The following POU6F2 variants were observed in gnomAD, a reference collection of about 807,000 sequenced individuals.
POU6F2 encodes the protein POU domain, class 6, transcription factor 2.
In POU6F2, 31 loss-of-function variants were observed where a neutral mutation model predicts 71.3. That is an observed-to-expected ratio of 0.43 (90% CI 0.33 to 0.59). POU6F2 has a LOEUF of 0.59. Among genes scored for constraint, POU6F2 ranks in the 20% least tolerant of loss-of-function variants. The probability of loss-of-function intolerance (pLI) is 0.04; values close to 1 mark genes in which losing one functional copy is unlikely to be tolerated. For missense variants in POU6F2, 783 were observed against 856.8 expected, an observed-to-expected ratio of 0.91 and a Z score of 1.07; for synonymous variants, 347 against 355.7, an observed-to-expected ratio of 0.98 and a Z score of 0.27.
rs183413976 is a variant in POU6F2, at chr7:39,435,507, C to T, written c.1320+2224C>T. 5.6e-3 allele frequency among the ~76,000 whole-genome samples: 853 copies of T among 152,040 alleles called. 4 individuals carry two copies. Among genetic ancestry groups the T allele is most frequent in the Non-Finnish European group, 9.5e-3 (643 of 67,996 alleles). Reference sequence around the variant, plus strand: ...TTTTTCTTGTAAATTTGTTTAAGTTCCTGGTAAATTCTGGATATTAGACCT... The same window carrying T: ...TTTTTCTTGTAAATTTGTTTAAGTTTCTGGTAAATTCTGGATATTAGACCT... On this transcript the variant is annotated intron_variant, in intron 7 of 9. Coordinates refer to ENST00000518318, the MANE Select transcript of POU6F2 (RefSeq NM_001370959.1).
At chr7:39,262,419 T>G (rs2128754795) in intron 4 of POU6F2, among the ~76,000 whole-genome samples, 1 of 152,334 alleles carries the variant, frequency 6.6e-6, no homozygotes, top group East Asian at 1.9e-4. Context: ...ATATCCATTT[T>G]CTTTTTCTCA....
chr7:39,244,441 T>C (rs1783785874), intron 4 of POU6F2, among the ~76,000 whole-genome samples: 1 of 152,184 alleles, frequency 6.6e-6, no homozygotes, highest in Non-Finnish European at 1.5e-5. Context: ...GAATTTCCTC[T>C]TCTATAAAGC....
At position 39,015,938 on chromosome 7, in the gene POU6F2, A is replaced by ATTG. The variant is rs1789510218; in HGVS notation, c.105+37881_105+37882insTGT. 5.1e-5 allele frequency among the ~76,000 whole-genome samples: 5 copies of ATTG among 98,938 alleles called. 1 individual carries two copies. The highest frequency in any genetic ancestry group is 1.3e-4 in the African/African-American group (3 of 23,458). 64.9% of individuals were successfully genotyped at this position (98,938 alleles called of 152,430 possible). On this transcript the variant is annotated intron_variant, in intron 1 of 9. Coordinates refer to ENST00000518318, the MANE Select transcript of POU6F2 (RefSeq NM_001370959.1). ...TATTATATATAGATATATATAATAT[A>ATTG]TAGATATATATTATATATTGTATAT...
chr7:39,026,778 A>T (rs1445598103), intron 1 of POU6F2, among the ~76,000 whole-genome samples: 3 of 152,224 alleles, frequency 2.0e-5, no homozygotes, highest in African/African-American at 7.2e-5. Context: ...TTGCATTATC[A>T]CTTAAATTAC....
chr7:38,996,683 T>A (rs1046724018), intron 1 of POU6F2, among the ~76,000 whole-genome samples: 2 of 152,214 alleles, frequency 1.3e-5, no homozygotes, highest in African/African-American at 4.8e-5. Context: ...CTTTTTACTT[T>A]TACTGTGTGC....
chr7:39,013,911 T>C (rs1789401266), intron 1 of POU6F2, among the ~76,000 whole-genome samples: 1 of 152,192 alleles, frequency 6.6e-6, no homozygotes, highest in Non-Finnish European at 1.5e-5. Context: ...GCCCTATTCG[T>C]AAAGAATTTA....
chr7:39,323,621 C>G (rs1370059204), intron 4 of POU6F2, among the ~76,000 whole-genome samples: 1 of 152,094 alleles, frequency 6.6e-6, no homozygotes, highest in East Asian at 1.9e-4. Flanking sequence ...GGGCTGAGCA[C>G]TATGGTTTAA....
Position 39,231,571 on chromosome 7 carries a change from T to C in POU6F2, c.598+23951T>C, listed in dbSNP as rs576167723. Among the ~76,000 whole-genome samples the C allele has an allele frequency of 9.8e-5, 15 of 152,310 alleles. No individual in the cohort carries two copies. In the South Asian group the frequency reaches 1.2e-3, roughly 13 times the overall value. On this transcript the variant is annotated intron_variant, in intron 4 of 9. Coordinates refer to ENST00000518318, the MANE Select transcript of POU6F2 (RefSeq NM_001370959.1). Reference sequence around the variant, plus strand: ...TCATTTCCTTTTCCTGATTGACACATAGACCCTATTTTCCATCCTTTCTTA... The same window carrying C: ...TCATTTCCTTTTCCTGATTGACACACAGACCCTATTTTCCATCCTTTCTTA...
intron 1 of POU6F2, among the ~76,000 whole-genome samples, chr7:39,015,692 ATATAT>A (rs1562670384): frequency 1.9e-4 from 19 of 100,456 alleles, no homozygotes; most frequent in African/African-American, 7.6e-4. Flanking sequence ...TTATATATCT[ATATAT>A]TATATATATC....
Position 39,339,821 on chromosome 7 carries a change from G to T in POU6F2, c.778G>T (p.Ala260Ser). The change falls in exon 5 of 10, where the codon GCC becomes TCC. Residue 260 changes from alanine (A) to serine (S), a missense_variant. Coordinates refer to ENST00000518318, the MANE Select transcript of POU6F2 (RefSeq NM_001370959.1). Reference protein sequence around the residue: ...QPTPPQQPPPASQQPPAPTSQ... With the variant: ...QPTPPQQPPPSSQQPPAPTSQ... ...CACCCCACCCCAGCAGCCACCACCC[G>T]CCTCTCAGCAGCCGCCAGCTCCTAC... 1 of 1,493,470 alleles carries T rather than the reference G, an allele frequency of 6.7e-7. No individual in the cohort carries two copies. The highest frequency in any genetic ancestry group is 9.0e-7 in the Non-Finnish European group (1 of 1,111,760). The allele number at this position is 1,493,470 out of a possible 1,614,324, so 92.5% of individuals were successfully genotyped here.
chr7:39,028,717 A>G (rs1181489969), intron 1 of POU6F2, among the ~76,000 whole-genome samples: 2 of 152,202 alleles, frequency 1.3e-5, no homozygotes, highest in Admixed American at 1.3e-4. Context: ...TCTTTCCAAA[A>G]TAGTTTATAC....
chr7:39,350,160 G>C (rs966343850), intron 5 of POU6F2, among the ~76,000 whole-genome samples: 4 of 152,126 alleles, frequency 2.6e-5, no homozygotes, highest in Non-Finnish European at 5.9e-5. Context: ...TCTACACCAG[G>C]AGATATTTAA....
Position 39,370,829 on chromosome 7 carries a change from C to T in POU6F2, c.972+30814C>T, listed in dbSNP as rs146199510. On this transcript the variant is annotated intron_variant, in intron 5 of 9. Coordinates refer to ENST00000518318, the MANE Select transcript of POU6F2 (RefSeq NM_001370959.1). ...GATGACCTTTGAACTTGAACTTCAA[C>T]ATGGGCTCTTCCTGGGTCTCCACCC... Among the ~76,000 whole-genome samples the T allele has an allele frequency of 5.3e-5, 8 of 152,338 alleles. No homozygotes were observed. The East Asian group carries it at 1.2e-3, about 22-fold the overall frequency.
chr7:39,142,065 T>C (rs935450357), intron 2 of POU6F2, among the ~76,000 whole-genome samples: 2 of 151,806 alleles, frequency 1.3e-5, no homozygotes, highest in African/African-American at 4.8e-5. Context: ...CCAGCCTAGG[T>C]GACAGAGCAA....
chr7:39,022,988 A>G (rs1010423146), intron 1 of POU6F2, among the ~76,000 whole-genome samples: 1 of 152,000 alleles, frequency 6.6e-6, no homozygotes, highest in Non-Finnish European at 1.5e-5. Flanking sequence ...CTTGCTCCAT[A>G]TCTTCACCAG....
At chr7:39,220,808 G>C (rs184887866) in intron 4 of POU6F2, among the ~76,000 whole-genome samples, 1 of 152,120 alleles carries the variant, frequency 6.6e-6, no homozygotes, top group African/African-American at 2.4e-5. Context: ...CTGATACTTA[G>C]TAAGTGCACA....
At chr7:39,304,940 C>A (rs1354695093) in intron 4 of POU6F2, among the ~76,000 whole-genome samples, 1 of 152,200 alleles carries the variant, frequency 6.6e-6, no homozygotes, top group Admixed American at 6.5e-5. Context: ...AAAAGTCTTT[C>A]AGTTAAGTAA....
chr7:39,041,087 C>T (rs1790185006), intron 1 of POU6F2, among the ~76,000 whole-genome samples: 1 of 151,924 alleles, frequency 6.6e-6, no homozygotes, highest in Admixed American at 6.6e-5. Context: ...GAGATGGATC[C>T]CAACACACCA....
At chr7:39,165,811 A>G (rs1436180241) in intron 2 of POU6F2, among the ~76,000 whole-genome samples, 1 of 152,216 alleles carries the variant, frequency 6.6e-6, no homozygotes, top group Non-Finnish European at 1.5e-5. Context: ...TCCAGAGGCA[A>G]AAAGTAATAA....
Sources: allele counts gnomAD v4.1 joint callset (sites outside exome capture counted in the v4.1 genomes callset), GRCh38; gene constraint gnomAD v4.1.1; transcripts MANE v1.5; gene names NCBI Gene and HGNC (gene_info 2026-07-23, HGNC 2026-07-21).